Variants in FLG observed in about 807,000 individuals in gnomAD.
FLG encodes the protein filaggrin, also known as epidermal filaggrin.
In FLG, 6 loss-of-function variants were observed where a neutral mutation model predicts 3.8. The ratio of observed to expected loss-of-function variants is 1.60; its 90% CI spans 0.87 to 3.15. FLG has a LOEUF of 3.15. Ranked by LOEUF, FLG falls within the 30% of genes most tolerant of loss-of-function variation. FLG has a pLI of 0.00. For missense variants in FLG, 7,595 were observed against 5,050.9 expected (o/e 1.50, Z -15.27); for synonymous variants, 2,551 against 1,931.6 (o/e 1.32, Z -8.41).
chr1:152,309,509 G>C lies in FLG; in HGVS notation c.5377C>G (p.Arg1793Gly). 6.2e-7 allele frequency: 1 copy of C among 1,613,758 alleles called. No homozygotes were observed. Among genetic ancestry groups the C allele is most frequent in the Non-Finnish European group, 8.5e-7 (1 of 1,179,956 alleles). The change falls in exon 3 of 3, where the codon CGC becomes GGC. Residue 1793 changes from arginine (R) to glycine (G), a missense_variant. Arg to Gly is a moderately radical substitution (Grantham distance 125). Coordinates refer to ENST00000368799, the MANE Select transcript of FLG (RefSeq NM_002016.2). ...GPSTGGRQRS[R>G]HEQARDSSRH... ...GAGCTGTCTCGTGCCTGCTCGTGGC[G>C]GGATCTTTGTCTTCCTCCAGTGCTG...
Position 152,303,784 on chromosome 1 carries a change from G to A in FLG, c.11102C>T (p.Ala3701Val). Reference protein sequence around the residue: ...SHQESTRGRSAGRSGRSGSFL... With the variant: ...SHQESTRGRSVGRSGRSGSFL... ...AGACCCTGAACGTCCAGACCTTCCT[G>A]CTGACCGGCCACGTGTGGACTCTTG... The change falls in exon 3 of 3, where the codon GCA becomes GTA. Residue 3701 changes from alanine (A) to valine (V), a missense_variant. Transcript: ENST00000368799. 1 of 1,613,432 alleles carries A rather than the reference G, an allele frequency of 6.2e-7. No individual in the cohort carries two copies. Among genetic ancestry groups the A allele is most frequent in the East Asian group, 2.2e-5 (1 of 44,808 alleles).
intron 2 of FLG, 90 bp downstream of exon 2, chr1:152,315,229 A>G: frequency 8.1e-7 from 1 of 1,237,774 alleles, no homozygotes. Context: ...TTTAAGAGAA[A>G]TAGTTCACAA....
Position 152,306,127 on chromosome 1 carries a change from T to G in FLG, c.8759A>C (p.Gln2920Pro), listed in dbSNP as rs773508931. Residue 2920 changes from glutamine (Q) to proline (P), a missense_variant, in exon 3 of 3, where the codon CAG becomes CCG. Physicochemically the swap from Gln to Pro is moderately conservative, Grantham distance 76. Transcript: ENST00000368799. ...SASRNHHGSA[Q>P]EQLRDGSRHP... Reference sequence around the variant, plus strand: ...TCTGGAGCCATCTCTTAGCTGCTCCTGAGCAGATCCATGATGGTTTCTGGA... The same window carrying G: ...TCTGGAGCCATCTCTTAGCTGCTCCGGAGCAGATCCATGATGGTTTCTGGA... 1 of 1,600,202 alleles carries G rather than the reference T, an allele frequency of 6.2e-7. No individual in the cohort carries two copies. The highest frequency in any genetic ancestry group is 1.6e-5 in the African/African-American group (1 of 61,504).
In FLG at chr1:152,304,406, G is replaced by A; in HGVS notation, c.10480C>T (p.Gln3494Ter). The A allele has an allele frequency of 1.2e-6, 2 of 1,611,826 alleles. No individual in the cohort carries two copies. Among genetic ancestry groups the A allele is most frequent in the Non-Finnish European group, 1.7e-6 (2 of 1,179,112 alleles). The change falls in exon 3 of 3, where the codon CAA (glutamine) becomes TAA (stop). Residue 3494 changes from glutamine to a stop codon, truncating the protein, a stop_gained. Transcript: ENST00000368799. LOFTEE classifies it low-confidence loss of function (END_TRUNC). ...GAGTGCCTGGAGCCATCTCCTGATT[G>A]TTCGTCATTACGAGTTTGTCTGCTG... ...SASRQTRNDEQSGDGSRHSWS... is the reference protein window; with the variant it reads ...SASRQTRNDE
rs142969864 is a variant in FLG, at chr1:152,308,069, C to T, written c.6817G>A (p.Glu2273Lys). The change falls in exon 3 of 3, where the codon GAG (glutamate) becomes AAG (lysine). Residue 2273 changes from glutamate (E) to lysine (K), a missense_variant. Transcript: ENST00000368799. ...TGTCTGGAGCCATCTCTTGACTGCT[C>T]CTGAGCAGATCCATGATGGTTTCTG... ...ASRNHHGSAQEQSRDGSRHPR... is the reference protein window; with the variant it reads ...ASRNHHGSAQKQSRDGSRHPR... 8.1e-5 allele frequency: 130 copies of T among 1,614,058 alleles called. 1 individual carries two copies. The highest frequency in any genetic ancestry group is 4.9e-4 in the Middle Eastern group (3 of 6,062).
rs532568352 is a variant in FLG, at chr1:152,313,061, A to C, written c.1825T>G (p.Ser609Ala). The C allele has an allele frequency of 1.7e-5, 27 of 1,613,662 alleles. No individual in the cohort carries two copies. The highest frequency in any genetic ancestry group is 1.6e-4 in the Middle Eastern group (1 of 6,062). Residue 609 changes from serine to alanine, a missense_variant, in exon 3 of 3, where the codon TCG becomes GCG. Physicochemically the swap from Ser to Ala is moderately conservative, Grantham distance 99. Transcript: ENST00000368799. ...RHSQVGQGQS[S>A]GPRTSRNQGS... ...TGGTTCCTACTTGTCCTGGGCCCCGATGATTGTCCCTGGCCCACCTGTGAG... is the reference window on the plus strand; with the variant it reads ...TGGTTCCTACTTGTCCTGGGCCCCGCTGATTGTCCCTGGCCCACCTGTGAG...
At position 152,302,773 on chromosome 1, in the gene FLG, A is replaced by T; in HGVS notation, c.12113T>A (p.Leu4038Ter). 6.2e-7 allele frequency: 1 copy of T among 1,614,194 alleles called. No homozygotes were observed. The highest frequency in any genetic ancestry group is 8.5e-7 in the Non-Finnish European group (1 of 1,180,024). The change falls in exon 3 of 3, where the codon TTA (leucine) becomes TAA (stop). Residue 4038 changes from leucine (L) to a stop codon, truncating the protein, a stop_gained. Transcript: ENST00000368799. LOFTEE classifies it low-confidence loss of function (END_TRUNC). Reference sequence around the variant, plus strand: ...CGATATATCACTAGAATGGCCACATAAACCTGGGTCCTTATTAATATACGT... The same window carrying T: ...CGATATATCACTAGAATGGCCACATTAACCTGGGTCCTTATTAATATACGT... ...YATYINKDPG[L>*]CGHSSDISKQ... is the part of the protein sequence containing the mutation.
chr1:152,324,521 G>A (rs1374410585), intron 1 of FLG, among the ~76,000 whole-genome samples: 3 of 151,818 alleles, frequency 2.0e-5, no homozygotes, highest in African/African-American at 7.2e-5. Context: ...TCCCTAGAGA[G>A]GTCTTCCCCT....
At chr1:152,316,782 G>A (rs1439522555) in intron 1 of FLG, among the ~76,000 whole-genome samples, 2 of 151,978 alleles carry the variant, frequency 1.3e-5, no homozygotes, top group Non-Finnish European at 2.9e-5. Flanking sequence ...TCTATTTACT[G>A]CTTTATGTAC....
At position 152,313,446 on chromosome 1, in the gene FLG, A is replaced by T. The variant is rs561848191; in HGVS notation, c.1440T>A (p.Ser480=). 2 of 1,613,698 alleles carry T rather than the reference A, an allele frequency of 1.2e-6. No homozygotes were observed. The highest frequency in any genetic ancestry group is 1.7e-6 in the Non-Finnish European group (2 of 1,179,962). Residue 480 remains serine, a synonymous_variant, in exon 3 of 3, where the codon TCT becomes TCA. Coordinates refer to ENST00000368799, the MANE Select transcript of FLG (RefSeq NM_002016.2). ...YQVSTHEQPD[S]AHGRTGTSTG... ...TGCTGGTCCCGGTCCGTCCATGGGC[A>T]GAGTCAGGCTGTTCATGAGTGCTCA...
chr1:152,307,540 C>T lies in FLG; in HGVS notation c.7346G>A (p.Ser2449Asn), dbSNP rs756835786. 1.2e-6 allele frequency: 2 copies of T among 1,613,778 alleles called. No homozygotes were observed. Among genetic ancestry groups the T allele is most frequent in the Admixed American group, 1.7e-5 (1 of 59,968 alleles). ...QGSHHKQARDSSRHSTSQEGQ... is the reference protein window; with the variant it reads ...QGSHHKQARDNSRHSTSQEGQ... ...CTCTTGGGACGTTGAGTGCCTGGAG[C>T]TGTCTCGTGCCTGCTTGTGGTGGGA... The change falls in exon 3 of 3, where the codon AGC becomes AAC. Residue 2449 changes from serine (S) to asparagine (N), a missense_variant. Physicochemically the swap from Ser to Asn is conservative, Grantham distance 46 (BLOSUM62 1). Coordinates refer to ENST00000368799, the MANE Select transcript of FLG (RefSeq NM_002016.2).
rs745490071 is a variant in FLG at position 152,305,670 on chromosome 1, A to C, written c.9216T>G (p.Ser3072=). The part of the protein sequence containing the change: ...FLYQVSTHEQ[S]ESSHGWTGPS... ...GCCCCGTCCATCCATGGGAGGACTC[A>C]GACTGTTCATGAGTGCTCACCTGGT... The change falls in exon 3 of 3, where the codon TCT becomes TCG. Residue 3072 remains serine, a synonymous_variant. Transcript: ENST00000368799. 5 of 1,411,298 alleles carry C rather than the reference A, an allele frequency of 3.5e-6. No individual in the cohort carries two copies. In the African/African-American group the frequency reaches 1.1e-4, roughly 32 times the overall value. 87.4% of individuals were successfully genotyped at this position (1,411,298 alleles called of 1,614,324 possible). A position where few individuals can be genotyped will look rare whatever the true frequency, so the allele number is the denominator to read the frequency against.
Position 152,309,009 on chromosome 1 carries a change from G to C in FLG, c.5877C>G (p.Ser1959=). 6.2e-7 allele frequency: 1 copy of C among 1,614,126 alleles called. No homozygotes were observed. The highest frequency in any genetic ancestry group is 8.5e-7 in the Non-Finnish European group (1 of 1,180,006). ...CGTGACCGGCTCTGTCTTCGTGATGGGACCCAGGGTGTCTGGAGCCATCTC... is the reference window on the plus strand; with the variant it reads ...CGTGACCGGCTCTGTCTTCGTGATGCGACCCAGGGTGTCTGGAGCCATCTC... The part of the protein sequence containing the change: ...QSRDGSRHPG[S]HHEDRAGHGH... Residue 1959 remains serine, a synonymous_variant, in exon 3 of 3, where the codon TCC becomes TCG. Transcript: ENST00000368799.
Position 152,304,681 on chromosome 1 carries a change from C to G in FLG, c.10205G>C (p.Arg3402Pro). ...TCTTCGTCCAGTGCTGGTCCTGGTC[C>G]GCCCATGGGCAGACTCAGACTGTTC... is the stretch of plus-strand genomic sequence containing the variant. ...THEQSESAHG[R>P]TRTSTGRRQG... Residue 3402 changes from arginine (R) to proline (P), a missense_variant, in exon 3 of 3, where the codon CGG becomes CCG. Coordinates refer to ENST00000368799, the MANE Select transcript of FLG (RefSeq NM_002016.2). 4 of 1,612,020 alleles carry G rather than the reference C, an allele frequency of 2.5e-6. No homozygotes were observed. Among genetic ancestry groups the G allele is most frequent in the Non-Finnish European group, 3.4e-6 (4 of 1,179,164 alleles).
chr1:152,321,089 C>A (rs1652953827), intron 1 of FLG, among the ~76,000 whole-genome samples: 1 of 150,622 alleles, frequency 6.6e-6, no homozygotes, highest in Non-Finnish European at 1.5e-5. Context: ...TACATATATA[C>A]ACTCACATAT....
chr1:152,309,352 T>TGGCTGTGA lies in FLG; in HGVS notation c.5526_5533dup (p.His1845LeufsTer253). On this transcript the variant is annotated frameshift_variant, in exon 3 of 3. Transcript: ENST00000368799. LOFTEE classifies it low-confidence loss of function (END_TRUNC). ...ATCAGACCTTTCCTGGGACGTGGTG[T>TGGCTGTGA]GGCTGTGATGAGACCCTGAGTGTCC... 6.2e-7 allele frequency: 1 copy of TGGCTGTGA among 1,613,860 alleles called. No homozygotes were observed. The highest frequency in any genetic ancestry group is 8.5e-7 in the Non-Finnish European group (1 of 1,179,986).
In FLG at chr1:152,311,080, C is replaced by T. The variant is rs1344959624; in HGVS notation, c.3806G>A (p.Ser1269Asn). The change falls in exon 3 of 3, where the codon AGT becomes AAT. Residue 1269 changes from serine to asparagine, a missense_variant. Transcript: ENST00000368799. ...CTCACTGTCACTGTCCTGGCTAACACTGGATCCCTGGTGCCTGCTTGTCCT... is the reference window on the plus strand; with the variant it reads ...CTCACTGTCACTGTCCTGGCTAACATTGGATCCCTGGTGCCTGCTTGTCCT... ...GSRTSRHQGSSVSQDSDSERH... is the reference protein window; with the variant it reads ...GSRTSRHQGSNVSQDSDSERH... The T allele has an allele frequency of 6.2e-7, 1 of 1,614,020 alleles. No homozygotes were observed. Among genetic ancestry groups the T allele is most frequent in the Admixed American group, 1.7e-5 (1 of 60,008 alleles).
Position 152,311,208 on chromosome 1 carries a change from T to G in FLG, c.3678A>C (p.Ser1226=), listed in dbSNP as rs764396289. The G allele has an allele frequency of 2.5e-6, 4 of 1,613,826 alleles. No homozygotes were observed. In the South Asian group the frequency reaches 4.4e-5, roughly 18 times the overall value. Residue 1226 remains serine (S), a synonymous_variant, in exon 3 of 3, where the codon TCA becomes TCC. Transcript: ENST00000368799. ...ACCCTGAGTGCCTGGAGCCGTCTCC[T>G]GATTGTTTGTCCTTACGAGTTTGTC... ...ASRQTRKDKQ[S]GDGSRHSGSR...
rs767041129 is a variant in FLG at position 152,303,990 on chromosome 1, C to A, written c.10896G>T (p.Gln3632His). Residue 3632 changes from glutamine (Q) to histidine (H), a missense_variant, in exon 3 of 3, where the codon CAG becomes CAT. Coordinates refer to ENST00000368799, the MANE Select transcript of FLG (RefSeq NM_002016.2). ...AGERHGSHHQ[Q>H]SADSSRHSGI... ...CTGAGTGTCTGGAGCTGTCTGCTGA[C>A]TGCTGGTGGTGGGATCCATGTCTCT... 3.1e-6 allele frequency: 5 copies of A among 1,613,962 alleles called. No homozygotes were observed. Among genetic ancestry groups the A allele is most frequent in the Non-Finnish European group, 4.2e-6 (5 of 1,180,016 alleles).
Sources: gnomAD v4.1 joint callset for allele counts (sites outside exome capture counted in the v4.1 genomes callset) on GRCh38, gnomAD v4.1.1 for gene constraint, MANE v1.5 for transcripts, NCBI Gene and HGNC (gene_info 2026-07-23, HGNC 2026-07-21) for gene names.